Variants in DCDC1 observed in about 807,000 individuals in gnomAD.
DCDC1 encodes the protein doublecortin domain containing 1.
A neutral mutation model predicts 178.3 loss-of-function variants in DCDC1; 200 were observed. The observed-to-expected ratio is 1.12, with a 90% CI of 1.00 to 1.26. The LOEUF (loss-of-function observed/expected upper bound fraction) is 1.26. Among genes scored for constraint, DCDC1 ranks in the 50% most tolerant of loss-of-function variants. The probability of loss-of-function intolerance (pLI) is 0.00; values close to 1 mark genes in which losing one functional copy is unlikely to be tolerated. For missense variants in DCDC1, 1,983 were observed against 1,749.2 expected, an observed-to-expected ratio of 1.13 and a Z score of -2.38; for synonymous variants, 690 against 604.8, an observed-to-expected ratio of 1.14 and a Z score of -2.07.
intron 20 of DCDC1, among the ~76,000 whole-genome samples, chr11:31,045,832 C>A (rs1005161338): frequency 1.3e-5 from 2 of 151,998 alleles, no homozygotes; most frequent in Non-Finnish European, 2.9e-5. Flanking sequence ...TTTTTTTAAA[C>A]TTTTTATTCT....
chr11:31,057,307 AAG>A (rs1232865354), intron 20 of DCDC1, among the ~76,000 whole-genome samples: 3 of 151,704 alleles, frequency 2.0e-5, no homozygotes, highest in Non-Finnish European at 2.9e-5. Flanking sequence ...GAAAGAAAGA[AAG>A]AGAGAGAGAA....
chr11:31,057,414 A>G (rs1303222905), intron 20 of DCDC1, among the ~76,000 whole-genome samples: 1 of 152,168 alleles, frequency 6.6e-6, no homozygotes, highest in Non-Finnish European at 1.5e-5. Context: ...AATAATACAA[A>G]GCTGAAATAT....
intron 20 of DCDC1, among the ~76,000 whole-genome samples, chr11:31,028,479 A>G (rs945191783): frequency 1.3e-5 from 2 of 151,944 alleles, no homozygotes; most frequent in Admixed American, 1.3e-4. Flanking sequence ...TTTTTACTGC[A>G]ATTTCACATT....
intron 16 of DCDC1, among the ~76,000 whole-genome samples, chr11:31,093,683 A>G (rs1365927401): frequency 1.3e-5 from 2 of 152,224 alleles, no homozygotes; most frequent in Admixed American, 1.3e-4. Context: ...TTGGTAATCT[A>G]CCAGGCTCAG....
At chr11:31,044,320 A>G (rs1453319752) in intron 20 of DCDC1, among the ~76,000 whole-genome samples, 4 of 152,060 alleles carry the variant, frequency 2.6e-5, no homozygotes, top group Non-Finnish European at 5.9e-5. Flanking sequence ...TGCTAAAAAT[A>G]CAAAAAATTA....
intron 7 of DCDC1, among the ~76,000 whole-genome samples, chr11:31,281,484 C>T (rs1010296868): frequency 6.6e-6 from 1 of 151,924 alleles, no homozygotes; most frequent in Non-Finnish European, 1.5e-5. Flanking sequence ...TAAATTTTGT[C>T]AAATTCCTCT....
chr11:31,111,492 T>C (rs1489247063), intron 11 of DCDC1, among the ~76,000 whole-genome samples: 2 of 152,188 alleles, frequency 1.3e-5, no homozygotes, highest in African/African-American at 4.8e-5. Flanking sequence ...GAGCTACTGA[T>C]AGTCCAGTCA....
At chr11:30,971,133 C>T (rs1025404913) in intron 20 of DCDC1, among the ~76,000 whole-genome samples, 1 of 152,134 alleles carries the variant, frequency 6.6e-6, no homozygotes, top group African/African-American at 2.4e-5. Flanking sequence ...CAACCAACAC[C>T]GTAAATACAT....
intron 1 of DCDC1, among the ~76,000 whole-genome samples, chr11:31,353,556 AG>A (rs747371931): frequency 6.6e-6 from 1 of 152,204 alleles, no homozygotes; most frequent in Non-Finnish European, 1.5e-5. Flanking sequence ...TGTTCGTCAG[AG>A]TGCAGAAACA....
chr11:31,296,950 G>A (rs568025341), intron 6 of DCDC1, among the ~76,000 whole-genome samples: 2 of 152,274 alleles, frequency 1.3e-5, no homozygotes, highest in South Asian at 2.1e-4. Flanking sequence ...TGAGATTTCC[G>A]TGGGGACACA....
chr11:31,347,526 A>G (rs1049827324), intron 1 of DCDC1, among the ~76,000 whole-genome samples: 7 of 152,228 alleles, frequency 4.6e-5, no homozygotes, highest in African/African-American at 1.4e-4. Flanking sequence ...TGTTCATTTC[A>G]TACAACTTAC....
At chr11:31,064,707 A>G in intron 19 of DCDC1, 81 bp from the exon 20 acceptor site, 1 of 706,494 alleles carries the variant, frequency 1.4e-6, no homozygotes, top group Non-Finnish European at 2.6e-6. Context: ...AAAATATAAC[A>G]CTGCAGTTTT....
chr11:30,926,941 G>C (rs905474765), intron 22 of DCDC1, among the ~76,000 whole-genome samples: 1 of 151,942 alleles, frequency 6.6e-6, no homozygotes, highest in Admixed American at 6.6e-5. Flanking sequence ...TTAAAGAAAG[G>C]AGCTATGCCT....
At chr11:31,112,060 T>TA (rs111518314) in intron 11 of DCDC1, among the ~76,000 whole-genome samples, 12 of 151,840 alleles carry the variant, frequency 7.9e-5, no homozygotes, top group Non-Finnish European at 1.3e-4. Context: ...TACAAGGGCA[T>TA]AAAAAAAAGA....
chr11:30,878,630 A>AC lies in DCDC1; in HGVS notation c.5314dup (p.Val1772GlyfsTer44), dbSNP rs1942360029. The stretch of plus-strand genomic sequence containing the variant: ...AGACAGCAGCTTCGTGGATGGTGAC[A>AC]CCACAATGTCTGTGGCTTGAGGGCC... On this transcript the variant is annotated frameshift_variant, in exon 38 of 39. Coordinates refer to ENST00000684477, the MANE Select transcript of DCDC1 (RefSeq NM_001387274.1). LOFTEE classifies it high-confidence loss of function. 1 of 1,611,690 alleles carries AC rather than the reference A, an allele frequency of 6.2e-7. No individual in the cohort carries two copies. The highest frequency in any genetic ancestry group is 1.7e-5 in the Admixed American group (1 of 59,716).
intron 20 of DCDC1, among the ~76,000 whole-genome samples, chr11:30,971,982 C>T (rs751325839): frequency 1.3e-5 from 2 of 152,104 alleles, no homozygotes; most frequent in Non-Finnish European, 2.9e-5. Context: ...TTACATATGG[C>T]ACACCATAAA....
chr11:30,935,955 C>G (rs1017471291), intron 21 of DCDC1, among the ~76,000 whole-genome samples: 16 of 152,132 alleles, frequency 1.1e-4, no homozygotes, highest in Non-Finnish European at 2.1e-4. Flanking sequence ...TTTTACCAGT[C>G]CCTTGACTGG....
intron 1 of DCDC1, among the ~76,000 whole-genome samples, chr11:31,359,520 C>T (rs1239814647): frequency 6.6e-6 from 1 of 151,868 alleles, no homozygotes; most frequent in Non-Finnish European, 1.5e-5. Flanking sequence ...ACCAGCATGG[C>T]ACATGTATAC....
chr11:31,167,983 C>T (rs1010738673), intron 9 of DCDC1, among the ~76,000 whole-genome samples: 2 of 152,156 alleles, frequency 1.3e-5, no homozygotes, highest in Non-Finnish European at 2.9e-5. Flanking sequence ...TTAAGCAATG[C>T]CCTGGGTATG....
Sources: gnomAD v4.1 joint callset for allele counts (sites outside exome capture counted in the v4.1 genomes callset) on GRCh38, gnomAD v4.1.1 for gene constraint, MANE v1.5 for transcripts, NCBI Gene and HGNC (gene_info 2026-07-23, HGNC 2026-07-21) for gene names.